The following ATXN7L1 variants were observed in gnomAD, a reference collection of about 807,000 sequenced individuals.
ATXN7L1 encodes ataxin 7 like 1, also known as ataxin-7-like protein 1.
In ATXN7L1, 15 loss-of-function variants were observed where a neutral mutation model predicts 70.8. That is an observed-to-expected ratio of 0.21 (90% confidence interval 0.14 to 0.33). The LOEUF (loss-of-function observed/expected upper bound fraction) is 0.33. ATXN7L1 is among the 10% of genes least tolerant of loss of function. The probability of loss-of-function intolerance (pLI) is 1.00; values close to 1 mark genes in which losing one functional copy is unlikely to be tolerated. For synonymous variants in ATXN7L1, 440 were observed against 445.1 expected (o/e 0.99, Z 0.14); for missense variants, 975 against 1,097.1 (o/e 0.89, Z 1.57).
At chr7:105,643,311 G>A (rs1798520708) in intron 4 of ATXN7L1, among the ~76,000 whole-genome samples, 190 bp from the exon 5 acceptor site, 1 of 152,138 alleles carries the variant, frequency 6.6e-6, no homozygotes, top group African/African-American at 2.4e-5. Flanking sequence ...AACAGGGGGT[G>A]CGAGGCTGGC....
chr7:105,670,296 T>C (rs983862248), intron 3 of ATXN7L1, among the ~76,000 whole-genome samples: 1 of 152,224 alleles, frequency 6.6e-6, no homozygotes, highest in African/African-American at 2.4e-5. Flanking sequence ...CAATCATGTC[T>C]TTCTATGTTT....
At chr7:105,820,602 G>T (rs1049992019) in intron 2 of ATXN7L1, among the ~76,000 whole-genome samples, 1 of 152,114 alleles carries the variant, frequency 6.6e-6, no homozygotes, top group Non-Finnish European at 1.5e-5. Flanking sequence ...GCAGGGTTGG[G>T]TTTTTTTAAA....
At chr7:105,743,149 T>C (rs1281827410) in intron 3 of ATXN7L1, among the ~76,000 whole-genome samples, 1 of 152,168 alleles carries the variant, frequency 6.6e-6, no homozygotes, top group East Asian at 1.9e-4. Flanking sequence ...TGGTATAAAA[T>C]AACTCTTGAT....
At chr7:105,857,478 G>A (rs1209251758) in intron 2 of ATXN7L1, among the ~76,000 whole-genome samples, 2 of 152,274 alleles carry the variant, frequency 1.3e-5, no homozygotes, top group African/African-American at 4.8e-5. Flanking sequence ...TCCACCTCCT[G>A]GACAACTGGT....
In ATXN7L1 at chr7:105,610,512, C is replaced by T. The variant is rs553154477; in HGVS notation, c.2547+17G>A. On this transcript the variant is annotated intron_variant, in intron 11 of 11. Transcript: ENST00000419735. ...ACCATATGAATTTTTGCCCCACCCC[C>T]ACCCTCAGTAACTTACCTGTCGGCT... The T allele has an allele frequency of 7.9e-5, 122 of 1,549,306 alleles. 1 individual carries two copies. In the Middle Eastern group the frequency reaches 3.0e-3, roughly 38 times the overall value.
chr7:105,735,717 A>G (rs1233456221), intron 3 of ATXN7L1, among the ~76,000 whole-genome samples: 1 of 152,142 alleles, frequency 6.6e-6, no homozygotes, highest in African/African-American at 2.4e-5. Context: ...AGACCATTTC[A>G]GCACCACCCC....
At chr7:105,827,374 CA>C (rs1811015303) in intron 2 of ATXN7L1, among the ~76,000 whole-genome samples, 1 of 152,214 alleles carries the variant, frequency 6.6e-6, no homozygotes, top group African/African-American at 2.4e-5. Context: ...CTCATGGACA[CA>C]GTACTCTTTT....
chr7:105,776,872 C>T (rs1436336804), intron 3 of ATXN7L1, among the ~76,000 whole-genome samples: 6 of 152,100 alleles, frequency 3.9e-5, no homozygotes, highest in Non-Finnish European at 7.4e-5. Flanking sequence ...CAGGTTCAAG[C>T]GATTCTCGTG....
At chr7:105,808,794 G>T (rs956946510) in intron 2 of ATXN7L1, among the ~76,000 whole-genome samples, 1 of 152,182 alleles carries the variant, frequency 6.6e-6, no homozygotes, top group African/African-American at 2.4e-5. Flanking sequence ...TAGAGCCCTG[G>T]CACCACCCAC....
intron 3 of ATXN7L1, among the ~76,000 whole-genome samples, chr7:105,774,233 C>T (rs1380699165): frequency 6.6e-6 from 1 of 152,164 alleles, no homozygotes; most frequent in Non-Finnish European, 1.5e-5. Context: ...TAGCCCCTGC[C>T]TTCTTAAACG....
intron 3 of ATXN7L1, among the ~76,000 whole-genome samples, chr7:105,746,480 T>C (rs766194908): frequency 4.9e-4 from 74 of 152,186 alleles, no homozygotes; most frequent in Non-Finnish European, 8.4e-4. Context: ...AGCTTCTGCG[T>C]CTCTCCCCTG....
chr7:105,748,163 G>A (rs1442936930), intron 3 of ATXN7L1, among the ~76,000 whole-genome samples: 2 of 151,202 alleles, frequency 1.3e-5, no homozygotes, highest in African/African-American at 2.4e-5. Context: ...TTGTTGTGGT[G>A]TAAGAGCAAA....
At chr7:105,783,873 A>AAGTGGGGAC (rs1803888471) in intron 3 of ATXN7L1, among the ~76,000 whole-genome samples, 1 of 152,160 alleles carries the variant, frequency 6.6e-6, no homozygotes, top group South Asian at 2.1e-4. Flanking sequence ...GGGACCTATT[A>AAGTGGGGAC]CTTGTGACTG....
intron 3 of ATXN7L1, chr7:105,761,046 T>C: frequency 1.9e-6 from 1 of 531,852 alleles, no homozygotes; most frequent in Non-Finnish European, 2.5e-6. Context: ...TTCTGACTTC[T>C]GCGTGCAGAA....
intron 7 of ATXN7L1, among the ~76,000 whole-genome samples, chr7:105,637,849 G>A (rs1194522211): frequency 6.6e-6 from 1 of 152,154 alleles, no homozygotes; most frequent in African/African-American, 2.4e-5. Context: ...CTGATGATAG[G>A]AGAGCGTGCA....
At chr7:105,612,338 A>G (rs1793227392) in intron 10 of ATXN7L1, among the ~76,000 whole-genome samples, 1 of 152,234 alleles carries the variant, frequency 6.6e-6, no homozygotes. Flanking sequence ...AACAGAGCCC[A>G]TCATCTACGT....
intron 2 of ATXN7L1, among the ~76,000 whole-genome samples, chr7:105,866,876 G>C (rs2116668831): frequency 6.6e-6 from 1 of 152,308 alleles, no homozygotes; most frequent in East Asian, 1.9e-4. Flanking sequence ...TCAGTGTGTG[G>C]GGTCCTTAGA....
At chr7:105,738,672 T>C (rs1797680002) in intron 3 of ATXN7L1, among the ~76,000 whole-genome samples, 1 of 152,240 alleles carries the variant, frequency 6.6e-6, no homozygotes, top group South Asian at 2.1e-4. Context: ...TTTGAACCCA[T>C]GTAATCCGGC....
At chr7:105,681,850 G>A (rs1198935395) in intron 3 of ATXN7L1, among the ~76,000 whole-genome samples, 2 of 152,130 alleles carry the variant, frequency 1.3e-5, no homozygotes, top group African/African-American at 2.4e-5. Flanking sequence ...AGACAGAATG[G>A]CGGTTGTCAG....
Sources: allele counts gnomAD v4.1 joint callset (sites outside exome capture counted in the v4.1 genomes callset), GRCh38; gene constraint gnomAD v4.1.1; transcripts MANE v1.5; gene names NCBI Gene and HGNC (gene_info 2026-07-23, HGNC 2026-07-21).